Variants in CDH4 observed in about 807,000 individuals in gnomAD.
CDH4 encodes the protein cadherin 4, also known as cadherin-4.
Under a neutral mutation model 86.0 loss-of-function variants are expected in CDH4, and 33 were observed. The ratio of observed to expected loss-of-function variants is 0.38; its 90% CI spans 0.29 to 0.51. The LOEUF (loss-of-function observed/expected upper bound fraction) is 0.51, where lower values mean the gene tolerates loss of function less well. CDH4 is among the 20% of genes least tolerant of loss of function. The pLI, the probability that CDH4 is intolerant of heterozygous loss-of-function variation, is 0.86. For missense variants in CDH4, 1,114 were observed against 1,307.4 expected (o/e 0.85, Z 2.28); for synonymous variants, 555 against 549.4 (o/e 1.01, Z -0.14).
rs191389057 is a variant in CDH4, at chr20:61,484,615, C to T, written c.169+229678C>T. Among the ~76,000 whole-genome samples the T allele has an allele frequency of 2.0e-5, 3 of 152,338 alleles. 1 individual carries two copies. Among genetic ancestry groups the T allele is most frequent in the Admixed American group, 2.0e-4 (3 of 15,310 alleles). ...CGCAGTCAGTCAGGAAGAACGTGGACCACGTTTGGGTGGCTCGCATTTGCT... is the reference window on the plus strand; with the variant it reads ...CGCAGTCAGTCAGGAAGAACGTGGATCACGTTTGGGTGGCTCGCATTTGCT... On this transcript the variant is annotated intron_variant, in intron 2 of 15. Transcript: ENST00000614565.
At chr20:61,498,840 G>T (rs766851567) in intron 2 of CDH4, among the ~76,000 whole-genome samples, 1 of 152,192 alleles carries the variant, frequency 6.6e-6, no homozygotes, top group Non-Finnish European at 1.5e-5. Context: ...GTCCTGGGCC[G>T]CAAGTGCTCT....
chr20:61,932,866 GCA>G lies in CDH4; in HGVS notation c.2240-116_2240-115del, dbSNP rs914696137. ...AGTACAGGTGTGCATGCACACATGG[GCA>G]CAGTCATGCTTGTGTGCCACCTGCA... On this transcript the variant is annotated intron_variant, in intron 13 of 15. Transcript: ENST00000614565. The G allele has an allele frequency of 1.9e-4, 257 of 1,347,334 alleles. 1 individual carries two copies. The South Asian group carries it at 3.3e-3, about 17-fold the overall frequency. The allele number at this position is 1,347,334 out of a possible 1,614,324, so 83.5% of individuals were successfully genotyped here.
intron 4 of CDH4, among the ~76,000 whole-genome samples, chr20:61,817,341 C>T (rs1172836787): frequency 6.6e-6 from 1 of 152,126 alleles, no homozygotes; most frequent in Admixed American, 6.5e-5. Context: ...GCTACGCTGC[C>T]GCCTCTGCCT....
chr20:61,399,428 G>A (rs1456977964), intron 2 of CDH4, among the ~76,000 whole-genome samples: 2 of 45,130 alleles, frequency 4.4e-5, no homozygotes, highest in South Asian at 5.9e-4. Context: ...CACCGCGCCC[G>A]GCCAAAACCC....
chr20:61,707,856 G>T (rs1188698285), intron 2 of CDH4, among the ~76,000 whole-genome samples: 4 of 152,184 alleles, frequency 2.6e-5, no homozygotes, highest in African/African-American at 9.7e-5. Flanking sequence ...GGAGGCGGAG[G>T]ACCTGCCAGG....
intron 6 of CDH4, among the ~76,000 whole-genome samples, chr20:61,869,448 G>A (rs1983700191): frequency 6.6e-6 from 1 of 152,234 alleles, no homozygotes; most frequent in African/African-American, 2.4e-5. Flanking sequence ...TACAGAAAGT[G>A]TCTGCTGGAC....
At chr20:61,789,009 C>T (rs977020679) in intron 4 of CDH4, among the ~76,000 whole-genome samples, 10 of 152,214 alleles carry the variant, frequency 6.6e-5, no homozygotes, top group Non-Finnish European at 1.0e-4. Flanking sequence ...ACTTTGTCCC[C>T]GGGGCCCTAG....
At chr20:61,278,233 G>A (rs1600827712) in intron 2 of CDH4, among the ~76,000 whole-genome samples, 1 of 152,144 alleles carries the variant, frequency 6.6e-6, no homozygotes. Flanking sequence ...CTGAGAATTG[G>A]GCACCTCTGT....
At chr20:61,356,585 T>C (rs1011270233) in intron 2 of CDH4, among the ~76,000 whole-genome samples, 16 of 152,370 alleles carry the variant, frequency 1.1e-4, no homozygotes, top group African/African-American at 2.9e-4. Flanking sequence ...GTTGTAAATA[T>C]TCAGCCAGAA....
chr20:61,699,785 G>A (rs1008531312), intron 2 of CDH4, among the ~76,000 whole-genome samples: 9 of 135,894 alleles, frequency 6.6e-5, no homozygotes, highest in South Asian at 2.4e-4. Context: ...GGCTTTCACC[G>A]CTGACCCGGG....
rs112191855 is a variant in CDH4 at position 61,933,259 on chromosome 20, C to A, written c.2379+135C>A. 1.7e-3 allele frequency: 1,936 copies of A among 1,141,040 alleles called. 22 individuals carry two copies. In the African/African-American group the frequency reaches 0.025, roughly 15 times the overall value. The allele number at this position is 1,141,040 out of a possible 1,614,324, so 70.7% of individuals were successfully genotyped here. A position where few individuals can be genotyped will look rare whatever the true frequency, so the allele number is the denominator to read the frequency against. On this transcript the variant is annotated intron_variant, in intron 14 of 15. Coordinates refer to ENST00000614565, the MANE Select transcript of CDH4 (RefSeq NM_001794.5). ...CACCAGTGAAGGTGCCAGGCAGGGG[C>A]GCACGGTTTCCTAGCCTGGGCTGAG...
At chr20:61,586,359 G>T (rs544645791) in intron 2 of CDH4, among the ~76,000 whole-genome samples, 4 of 152,324 alleles carry the variant, frequency 2.6e-5, no homozygotes, top group South Asian at 2.1e-4. Flanking sequence ...TCCCAGCACA[G>T]TTCCAAGCTC....
chr20:61,586,662 C>T (rs769909844), intron 2 of CDH4, among the ~76,000 whole-genome samples: 2 of 152,160 alleles, frequency 1.3e-5, no homozygotes, highest in African/African-American at 2.4e-5. Flanking sequence ...AGTTGATCAG[C>T]GTGACTTTAC....
At chr20:61,857,227 C>A (rs1006700918) in intron 6 of CDH4, among the ~76,000 whole-genome samples, 2 of 152,214 alleles carry the variant, frequency 1.3e-5, no homozygotes, top group Non-Finnish European at 2.9e-5. Context: ...GGATGGTGGG[C>A]GGCGCGTGTG....
intron 3 of CDH4, among the ~76,000 whole-genome samples, chr20:61,772,140 G>A (rs1235344726): frequency 1.3e-5 from 2 of 152,214 alleles, no homozygotes; most frequent in African/African-American, 4.8e-5. Flanking sequence ...CAGGGCCATT[G>A]CTACTATCTC....
chr20:61,502,972 C>T (rs189314651), intron 2 of CDH4, among the ~76,000 whole-genome samples: 78 of 152,202 alleles, frequency 5.1e-4, no homozygotes, highest in Admixed American at 1.2e-3. Context: ...TTTCTGCACG[C>T]CAAAGATGAT....
At chr20:61,380,021 G>A (rs973409080) in intron 2 of CDH4, among the ~76,000 whole-genome samples, 4 of 152,044 alleles carry the variant, frequency 2.6e-5, no homozygotes, top group Non-Finnish European at 5.9e-5. Flanking sequence ...ACATTGTCCT[G>A]GGAAGCTGTC....
intron 2 of CDH4, among the ~76,000 whole-genome samples, chr20:61,255,790 A>ATGTG (rs894742698): frequency 1.3e-5 from 2 of 151,990 alleles, no homozygotes; most frequent in African/African-American, 2.4e-5. Flanking sequence ...GTTCCTGTGT[A>ATGTG]TGTGTGTGTG....
chr20:61,566,426 C>A (rs2086298386), intron 2 of CDH4, among the ~76,000 whole-genome samples: 1 of 152,198 alleles, frequency 6.6e-6, no homozygotes, highest in African/African-American at 2.4e-5. Context: ...CTGGCAGAGT[C>A]AGTATCCACC....
Sources: gnomAD v4.1 joint callset for allele counts (sites outside exome capture counted in the v4.1 genomes callset) on GRCh38, gnomAD v4.1.1 for gene constraint, MANE v1.5 for transcripts, NCBI Gene and HGNC (gene_info 2026-07-23, HGNC 2026-07-21) for gene names.